TMEM254: variants seen among roughly 807,000 people sequenced by gnomAD.
The protein encoded by TMEM254 is transmembrane protein C10orf57.
TMEM254 carries 16 observed loss-of-function variants against 13.9 expected under a neutral mutation model. That is an observed-to-expected ratio of 1.15 (90% CI 0.78 to 1.75). TMEM254 has a LOEUF of 1.75. Among genes scored for constraint, TMEM254 ranks in the 40% most tolerant of loss-of-function variants. The pLI, the probability that TMEM254 is intolerant of heterozygous loss-of-function variation, is 0.00. For missense variants in TMEM254, 155 were observed against 149.0 expected (o/e 1.04, Z -0.21); for synonymous variants, 61 against 56.4 (o/e 1.08, Z -0.36).
intron 1 of TMEM254, among the ~76,000 whole-genome samples, chr10:80,080,469 CTA>C (rs1281846441): frequency 6.6e-6 from 1 of 152,140 alleles, no homozygotes; most frequent in Non-Finnish European, 1.5e-5. Context: ...TTTTCCATCT[CTA>C]TGCAGTGGAT....
intron 3 of TMEM254, among the ~76,000 whole-genome samples, chr10:80,087,911 C>A (rs150006427): frequency 2.6e-5 from 4 of 151,516 alleles, no homozygotes; most frequent in African/African-American, 9.7e-5. Flanking sequence ...TTCTGTTGGG[C>A]CTTTTGATAA....
intron 1 of TMEM254, among the ~76,000 whole-genome samples, chr10:80,081,475 T>C (rs1432672025): frequency 6.6e-6 from 1 of 151,988 alleles, no homozygotes; most frequent in Non-Finnish European, 1.5e-5. Flanking sequence ...GAAACCATCC[T>C]GGGCAACATA....
In TMEM254 at chr10:80,078,769, A is replaced by G; in HGVS notation, c.70A>G (p.Ser24Gly). 12 of 1,606,876 alleles carry G rather than the reference A, an allele frequency of 7.5e-6. No individual in the cohort carries two copies. The highest frequency in any genetic ancestry group is 1.7e-5 in the Admixed American group (1 of 59,348). The change falls in exon 1 of 4, where the codon AGC (serine) becomes GGC (glycine). Residue 24 changes from serine to glycine, a missense_variant. By Grantham distance (56) the Ser-to-Gly change is moderately conservative. Coordinates refer to ENST00000372281, the MANE Select transcript of TMEM254 (RefSeq NM_025125.4). ...GTTCTGGTTCACAGTCATCACCCTC[A>G]GCTTTGGCTACTACACAGTAAGGAC... is the stretch of plus-strand genomic sequence containing the variant. ...SLFWFTVITLSFGYYTWVVFW... is the reference protein window; with the variant it reads ...SLFWFTVITLGFGYYTWVVFW...
chr10:80,090,100 T>C (rs888523231), intron 3 of TMEM254, among the ~76,000 whole-genome samples: 1 of 152,148 alleles, frequency 6.6e-6, no homozygotes, highest in Non-Finnish European at 1.5e-5. Context: ...CTGTAGAAAA[T>C]TATATTGCTT....
chr10:80,083,324 G>A (rs1275394430), intron 3 of TMEM254, among the ~76,000 whole-genome samples: 2 of 151,996 alleles, frequency 1.3e-5, no homozygotes, highest in African/African-American at 2.4e-5. Flanking sequence ...TGCTAGTCCC[G>A]AACTCCTGAC....
In TMEM254 at chr10:80,078,773, T is replaced by C; in HGVS notation, c.74T>C (p.Phe25Ser). Residue 25 changes from phenylalanine to serine, a missense_variant, in exon 1 of 4, where the codon TTT (phenylalanine) becomes TCT (serine). By Grantham distance (155) the Phe-to-Ser change is radical (BLOSUM62 -2). Transcript: ENST00000372281. ...TGGTTCACAGTCATCACCCTCAGCT[T>C]TGGCTACTACACAGTAAGGACAGCC... ...LFWFTVITLS[F>S]GYYTWVVFWP... is the part of the protein sequence containing the mutation. 6.2e-7 allele frequency: 1 copy of C among 1,606,464 alleles called. No individual in the cohort carries two copies. Among genetic ancestry groups the C allele is most frequent in the Non-Finnish European group, 8.5e-7 (1 of 1,176,678 alleles).
intron 3 of TMEM254, among the ~76,000 whole-genome samples, chr10:80,083,416 C>A (rs1844151161): frequency 6.6e-6 from 1 of 152,152 alleles, no homozygotes; most frequent in Non-Finnish European, 1.5e-5. Context: ...ACAAGCTAGA[C>A]TTTCTATGAA....
In TMEM254 at chr10:80,079,063, C is replaced by T. The variant is rs756442486; in HGVS notation, c.87+277C>T. 2.0e-5 allele frequency: 29 copies of T among 1,464,590 alleles called. No individual in the cohort carries two copies. In the South Asian group the frequency reaches 3.3e-4, roughly 17 times the overall value. The allele number at this position is 1,464,590 out of a possible 1,614,324, so 90.7% of individuals were successfully genotyped here. On this transcript the variant is annotated intron_variant, in intron 1 of 3. Transcript: ENST00000372281. ...ACGGCTGGGGAGCTCCCAGCCAACT[C>T]TGTGTCTGGGTTTTTCAAGAGGATG...
At chr10:80,079,381 G>T (rs1843845445) in intron 1 of TMEM254, 1 of 1,140,534 alleles carries the variant, frequency 8.8e-7, no homozygotes, top group African/African-American at 1.6e-5. Context: ...CCTCACCTCT[G>T]CATGGTTACT....
At chr10:80,089,138 T>C (rs1844455663) in intron 3 of TMEM254, among the ~76,000 whole-genome samples, 1 of 152,150 alleles carries the variant, frequency 6.6e-6, no homozygotes, top group Non-Finnish European at 1.5e-5. Context: ...TATAAAACTG[T>C]CCAGAAATAC....
chr10:80,090,529 C>T (rs569669627), intron 3 of TMEM254: 1 of 696,644 alleles, frequency 1.4e-6, no homozygotes, highest in Admixed American at 2.1e-5. Flanking sequence ...ATCAGAATCA[C>T]ATGAGAAACA....
rs557225681 is a variant in TMEM254 at position 80,092,133 on chromosome 10, G to A, written c.*1216G>A. On this transcript the variant is annotated 3_prime_UTR_variant, in exon 4 of 4. Transcript: ENST00000372281. Reference sequence around the variant, plus strand: ...AGGAGCCATTAGGGCTTCTTCCCTGGAGGACTGCCTGCTTGCTTTCTGGGG... The same window carrying A: ...AGGAGCCATTAGGGCTTCTTCCCTGAAGGACTGCCTGCTTGCTTTCTGGGG... The A allele has an allele frequency of 6.6e-6, 1 of 152,318 alleles. No homozygotes were observed. Among genetic ancestry groups the A allele is most frequent in the South Asian group, 2.1e-4 (1 of 4,820 alleles). The allele number at this position is 152,318 out of a possible 1,614,324, so 9.4% of individuals were successfully genotyped here. A position where few individuals can be genotyped will look rare whatever the true frequency, so the allele number is the denominator to read the frequency against.
chr10:80,080,034 C>G (rs1287056042), intron 1 of TMEM254, among the ~76,000 whole-genome samples: 1 of 152,228 alleles, frequency 6.6e-6, no homozygotes, highest in Non-Finnish European at 1.5e-5. Flanking sequence ...GGTGTCAAAT[C>G]TGACAACCTA....
At chr10:80,079,328 C>G in intron 1 of TMEM254, 1 of 1,194,648 alleles carries the variant, frequency 8.4e-7, no homozygotes, top group Non-Finnish European at 1.1e-6. Context: ...ATTCGGTGGG[C>G]TCTTAGGATA....
chr10:80,085,528 C>T (rs1354142772), intron 3 of TMEM254, among the ~76,000 whole-genome samples: 2 of 151,608 alleles, frequency 1.3e-5, no homozygotes. Flanking sequence ...GATCGTACCA[C>T]TACACTTTAG....
intron 1 of TMEM254, among the ~76,000 whole-genome samples, chr10:80,080,768 A>T (rs886581377): frequency 8.0e-6 from 1 of 125,048 alleles, no homozygotes; most frequent in East Asian, 3.3e-4. Context: ...GCAAAACCTC[A>T]TCTCTACACA....
chr10:80,082,000 A>G, intron 2 of TMEM254, 56 bp downstream of exon 2: 1 of 1,589,374 alleles, frequency 6.3e-7, no homozygotes, highest in Non-Finnish European at 8.6e-7. Context: ...CTCATGGGAA[A>G]CCTGGAAGGC....
chr10:80,086,325 C>T (rs2132293150), intron 3 of TMEM254: 1 of 1,227,618 alleles, frequency 8.1e-7, no homozygotes, highest in Non-Finnish European at 1.1e-6. Context: ...TAGCCACCAA[C>T]TGTGACCCTT....
In TMEM254 at chr10:80,092,394, A is replaced by T. The variant is rs1844603798; in HGVS notation, c.*1477A>T. 1 of 152,184 alleles carries T rather than the reference A, an allele frequency of 6.6e-6. No homozygotes were observed. The highest frequency in any genetic ancestry group is 1.5e-5 in the Non-Finnish European group (1 of 68,042). The allele number at this position is 152,184 out of a possible 1,614,324, so 9.4% of individuals were successfully genotyped here. ...CTTTTTGGTAAGGAAAAGGATTTTT[A>T]ACCATAGAGTTAGGCATCATGGAAA... On this transcript the variant is annotated 3_prime_UTR_variant, in exon 4 of 4. Coordinates refer to ENST00000372281, the MANE Select transcript of TMEM254 (RefSeq NM_025125.4).
Sources: gnomAD v4.1 joint callset for allele counts (sites outside exome capture counted in the v4.1 genomes callset) on GRCh38, gnomAD v4.1.1 for gene constraint, MANE v1.5 for transcripts, NCBI Gene and HGNC (gene_info 2026-07-23, HGNC 2026-07-21) for gene names.